Variants in SCAI observed in about 807,000 individuals in gnomAD.
The protein encoded by SCAI is protein SCAI.
A neutral mutation model predicts 92.2 loss-of-function variants in SCAI; 24 were observed. That is an observed-to-expected ratio of 0.26 (90% CI 0.19 to 0.37). SCAI has a LOEUF of 0.37. SCAI is among the 10% of genes least tolerant of loss of function. The pLI is 1.00. For synonymous variants in SCAI, 261 were observed against 258.6 expected (o/e 1.01, Z -0.09); for missense variants, 450 against 736.2 (o/e 0.61, Z 4.50).
chr9:125,123,577 A>ACAT (rs1835203254), intron 2 of SCAI, among the ~76,000 whole-genome samples: 1 of 152,138 alleles, frequency 6.6e-6, no homozygotes, highest in South Asian at 2.1e-4. Flanking sequence ...GAGATCGAGA[A>ACAT]CATCCTAGCT....
At chr9:125,019,082 A>C in intron 8 of SCAI, 25 bp downstream of exon 8, 1 of 1,555,302 alleles carries the variant, frequency 6.4e-7, no homozygotes, top group Admixed American at 1.8e-5. Flanking sequence ...ATCAATAATT[A>C]TGATTTTTCT....
intron 15 of SCAI, among the ~76,000 whole-genome samples, chr9:124,973,560 C>T (rs986159798): frequency 6.6e-6 from 1 of 151,016 alleles, no homozygotes; most frequent in Non-Finnish European, 1.5e-5. Flanking sequence ...AGGCCAGGCA[C>T]GGTGGCTCAC....
intron 9 of SCAI, among the ~76,000 whole-genome samples, chr9:125,012,216 A>C (rs1832655018): frequency 6.6e-6 from 1 of 152,230 alleles, no homozygotes; most frequent in African/African-American, 2.4e-5. Flanking sequence ...TAAATGCTCC[A>C]ATTAAAAGAC....
chr9:124,983,723 A>G (rs1831933629), intron 14 of SCAI, among the ~76,000 whole-genome samples: 1 of 152,240 alleles, frequency 6.6e-6, no homozygotes, highest in Non-Finnish European at 1.5e-5. Flanking sequence ...AACTAAATAA[A>G]TAAGTTATAT....
chr9:125,083,108 C>T (rs187359299), intron 2 of SCAI, among the ~76,000 whole-genome samples: 3 of 152,236 alleles, frequency 2.0e-5, no homozygotes, highest in Non-Finnish European at 2.9e-5. Flanking sequence ...TGAATGGGGG[C>T]AAGTCTTTCC....
intron 4 of SCAI, among the ~76,000 whole-genome samples, chr9:125,029,220 C>G (rs542381004): frequency 6.6e-6 from 1 of 152,234 alleles, no homozygotes; most frequent in South Asian, 2.1e-4. Flanking sequence ...CTTCAGGGTT[C>G]AAGCGATTCT....
chr9:125,142,021 C>T lies in SCAI; in HGVS notation c.98+612G>A, dbSNP rs375219532. Among the ~76,000 whole-genome samples the T allele has an allele frequency of 6.2e-3, 937 of 152,292 alleles. 5 individuals carry two copies. Among genetic ancestry groups the T allele is most frequent in the African/African-American group, 0.021 (874 of 41,548 alleles). On this transcript the variant is annotated intron_variant, in intron 2 of 17. Transcript: ENST00000336505. ...CACTGCATCACTGCAGCCTTGACTT[C>T]CTGGGCTCAAGCAATCCTCCCACCT...
intron 7 of SCAI, 60 bp from the exon 8 acceptor site, chr9:125,019,265 A>G: frequency 2.2e-6 from 2 of 892,590 alleles, no homozygotes; most frequent in Non-Finnish European, 3.5e-6. Flanking sequence ...ACACAGCCAT[A>G]TAGAACCATA....
intron 14 of SCAI, among the ~76,000 whole-genome samples, chr9:124,982,323 G>A (rs1831901837): frequency 6.6e-6 from 1 of 152,106 alleles, no homozygotes; most frequent in Admixed American, 6.6e-5. Flanking sequence ...GAATGAATTG[G>A]ATAGTTCTGA....
intron 2 of SCAI, among the ~76,000 whole-genome samples, chr9:125,073,944 CT>C (rs751030059): frequency 5.0e-3 from 712 of 142,520 alleles, no homozygotes; most frequent in Admixed American, 5.2e-3. Context: ...TCTCGTTCTC[CT>C]TTTTTTTTTT....
At chr9:125,008,067 G>C (rs1588148188) in intron 9 of SCAI, among the ~76,000 whole-genome samples, 1 of 148,850 alleles carries the variant, frequency 6.7e-6, no homozygotes, top group East Asian at 2.0e-4. Context: ...GGATGGTCTC[G>C]ATCTCCCGAC....
chr9:125,143,487 T>A lies in SCAI; in HGVS notation c.-50A>T. On this transcript the variant is annotated 5_prime_UTR_variant, in exon 1 of 18. Coordinates refer to ENST00000336505, the MANE Select transcript of SCAI (RefSeq NM_001144877.3). The stretch of plus-strand genomic sequence containing the variant: ...CTGCTCCGGCGGCCGCAGGGCTCGC[T>A]CGGGAAGCTGAGGCGGCGGAGGCTG... The A allele has an allele frequency of 7.6e-7, 1 of 1,312,254 alleles. No homozygotes were observed. Among genetic ancestry groups the A allele is most frequent in the Non-Finnish European group, 9.7e-7 (1 of 1,029,764 alleles). 81.3% of individuals were successfully genotyped at this position (1,312,254 alleles called of 1,614,324 possible). A position where few individuals can be genotyped will look rare whatever the true frequency, so the allele number is the denominator to read the frequency against.
intron 2 of SCAI, among the ~76,000 whole-genome samples, chr9:125,085,245 G>A (rs867343238): frequency 6.6e-6 from 1 of 152,242 alleles, no homozygotes; most frequent in Non-Finnish European, 1.5e-5. Flanking sequence ...CCAGCGCTTC[G>A]GGAGGTTGAG....
At chr9:125,104,573 CAA>C (rs1286802829) in intron 2 of SCAI, among the ~76,000 whole-genome samples, 1 of 118,370 alleles carries the variant, frequency 8.4e-6, no homozygotes, top group Admixed American at 9.0e-5. Context: ...TGATGCAAAA[CAA>C]AGAGATTTCT....
At chr9:124,986,791 C>A (rs1260241750) in intron 14 of SCAI, among the ~76,000 whole-genome samples, 1 of 152,148 alleles carries the variant, frequency 6.6e-6, no homozygotes, top group African/African-American at 2.4e-5. Flanking sequence ...GAAGGTGAGG[C>A]TGACTGGCAG....
Position 124,968,317 on chromosome 9 carries a change from C to G in SCAI, c.1674+3053G>C. 4.9e-6 allele frequency: 6 copies of G among 1,227,970 alleles called. No homozygotes were observed. In the South Asian group the frequency reaches 7.2e-5, roughly 15 times the overall value. 76.1% of individuals were successfully genotyped at this position (1,227,970 alleles called of 1,614,324 possible). A position where few individuals can be genotyped will look rare whatever the true frequency, so the allele number is the denominator to read the frequency against. ...CATCAAGCGTCTTCTCCAGAATAGG[C>G]CAAGGAAGACAAGTCCAGTTTGGTT... On this transcript the variant is annotated intron_variant, in intron 17 of 17. Coordinates refer to ENST00000336505, the MANE Select transcript of SCAI (RefSeq NM_001144877.3).
At chr9:125,136,213 T>C (rs1835523050) in intron 2 of SCAI, among the ~76,000 whole-genome samples, 1 of 147,840 alleles carries the variant, frequency 6.8e-6, no homozygotes, top group Admixed American at 6.7e-5. Flanking sequence ...CAGTCTCAGC[T>C]GATCCTCCCA....
intron 2 of SCAI, among the ~76,000 whole-genome samples, chr9:125,066,568 G>A (rs932407301): frequency 6.6e-6 from 1 of 151,648 alleles, no homozygotes; most frequent in African/African-American, 2.4e-5. Context: ...CCATTCTCCT[G>A]CCTCAGCCTC....
At chr9:125,109,425 T>G (rs973844561) in intron 2 of SCAI, among the ~76,000 whole-genome samples, 32 of 152,032 alleles carry the variant, frequency 2.1e-4, no homozygotes, top group African/African-American at 7.2e-4. Flanking sequence ...AGCTTACATT[T>G]GTTATTAAAG....
Sources: allele counts gnomAD v4.1 joint callset (sites outside exome capture counted in the v4.1 genomes callset), GRCh38; gene constraint gnomAD v4.1.1; transcripts MANE v1.5; gene names NCBI Gene and HGNC (gene_info 2026-07-23, HGNC 2026-07-21).